NWD1: variants seen among roughly 807,000 people sequenced by gnomAD.
NWD1 encodes NACHT and WD repeat domain containing 1, also known as NACHT domain- and WD repeat-containing protein 1.
Under a neutral mutation model 135.1 loss-of-function variants are expected in NWD1, and 129 were observed. The observed-to-expected ratio is 0.96, with a 90% CI of 0.83 to 1.11. NWD1 has a LOEUF of 1.11. Ranked by LOEUF, NWD1 falls within the 50% of genes least tolerant of loss-of-function variation. The probability of loss-of-function intolerance (pLI) is 0.00; values close to 1 mark genes in which losing one functional copy is unlikely to be tolerated. For missense variants in NWD1, 1,740 were observed against 1,851.3 expected (o/e 0.94, Z 1.10); for synonymous variants, 773 against 786.0 (o/e 0.98, Z 0.28).
intron 7 of NWD1, among the ~76,000 whole-genome samples, chr19:16,760,229 C>CATTTCATTTT (rs373372872): frequency 7.0e-6 from 1 of 143,820 alleles, no homozygotes; most frequent in African/African-American, 2.6e-5. Context: ...TAAAATTCAC[C>CATTTCATTTT]ATTTTATTTT....
chr19:16,740,060 G>C (rs1416395718), intron 4 of NWD1, among the ~76,000 whole-genome samples: 1 of 151,814 alleles, frequency 6.6e-6, no homozygotes, highest in Non-Finnish European at 1.5e-5. Flanking sequence ...GCTTTGAGAG[G>C]CTAAAGCCGG....
rs543074782 is a variant in NWD1, at chr19:16,815,258, T to C, written c.*219T>C. On this transcript the variant is annotated 3_prime_UTR_variant, in exon 19 of 19. Transcript: ENST00000524140. ...TGCAGCTGCAGGAGCTCCCCAGGAC[T>C]TGGAGTCAGAAAGTGCCCAGGGAAA... 204 of 781,654 alleles carry C rather than the reference T, an allele frequency of 2.6e-4. 1 individual carries two copies. The highest frequency in any genetic ancestry group is 2.6e-3 in the South Asian group (194 of 74,640). 48.4% of individuals were successfully genotyped at this position (781,654 alleles called of 1,614,324 possible). A position where few individuals can be genotyped will look rare whatever the true frequency, so the allele number is the denominator to read the frequency against.
At chr19:16,813,397 T>C (rs937443068) in intron 18 of NWD1, among the ~76,000 whole-genome samples, 1 of 152,184 alleles carries the variant, frequency 6.6e-6, no homozygotes, top group African/African-American at 2.4e-5. Context: ...GCAATGTTTA[T>C]ATATGGTGTC....
At position 16,762,066 on chromosome 19, in the gene NWD1, G is replaced by A. The variant is rs779449587; in HGVS notation, c.2061G>A (p.Gly687=). ...RHGVLADFFS[G]TWSQGTKKLI... ...GCGTCCTGGCCGACTTCTTCTCAGG[G>A]ACCTGGAGCCAGGGTACCAAGAAGC... The change falls in exon 8 of 19, where the codon GGG becomes GGA. Residue 687 remains glycine, a synonymous_variant. Transcript: ENST00000524140. 7 of 1,614,096 alleles carry A rather than the reference G, an allele frequency of 4.3e-6. No individual in the cohort carries two copies. In the Admixed American group the frequency reaches 8.3e-5, roughly 19 times the overall value.
At chr19:16,814,964 A>C in intron 18 of NWD1, 64 bp from the exon 19 acceptor site, 1 of 1,439,348 alleles carries the variant, frequency 6.9e-7, no homozygotes. Context: ...CAACTCTGGA[A>C]TGTGTAGGAT....
chr19:16,767,261 G>T (rs1429550990), intron 10 of NWD1, among the ~76,000 whole-genome samples: 1 of 139,828 alleles, frequency 7.2e-6, no homozygotes, highest in East Asian at 2.3e-4. Flanking sequence ...CTCACTGCAA[G>T]CTCCGCCTCC....
intron 10 of NWD1, among the ~76,000 whole-genome samples, chr19:16,766,522 T>C (rs2608730): frequency 0.18 from 27,130 of 152,126 alleles, 5,715 homozygotes; most frequent in African/African-American, 0.51. Flanking sequence ...TCCAAGTCTT[T>C]AGACGCTCTG....
At chr19:16,779,233 T>C (rs1969768215) in intron 11 of NWD1, 110 bp from the exon 12 acceptor site, 14 of 1,271,148 alleles carry the variant, frequency 1.1e-5, no homozygotes, top group Admixed American at 3.5e-5. Flanking sequence ...CAAATCTCTC[T>C]GTGCCTCAGT....
intron 18 of NWD1, among the ~76,000 whole-genome samples, chr19:16,814,022 G>T (rs1971000726): frequency 6.6e-6 from 1 of 151,998 alleles, no homozygotes; most frequent in Non-Finnish European, 1.5e-5. Context: ...TCCAGGCATG[G>T]TGGTACATGC....
At position 16,736,684 on chromosome 19, in the gene NWD1, G is replaced by A; in HGVS notation, c.132G>A (p.Leu44=). ...GGAACATTGAAGCCACTGACCACTT[G>A]ACCACAGAACTCTGCTTGGAGGAGG... is the stretch of plus-strand genomic sequence containing the variant. ...GIRNIEATDH[L]TTELCLEEVD... The change falls in exon 4 of 19, where the codon TTG becomes TTA. Residue 44 remains leucine, a synonymous_variant. Coordinates refer to ENST00000524140, the MANE Select transcript of NWD1 (RefSeq NM_001007525.5). 10 of 1,536,260 alleles carry A rather than the reference G, an allele frequency of 6.5e-6. No homozygotes were observed. The highest frequency in any genetic ancestry group is 8.7e-6 in the Non-Finnish European group (10 of 1,146,928).
chr19:16,769,720 G>C (rs1320217424), intron 10 of NWD1, among the ~76,000 whole-genome samples: 2 of 152,170 alleles, frequency 1.3e-5, no homozygotes, highest in Admixed American at 1.3e-4. Flanking sequence ...AGCTAAATGC[G>C]ATTCCTCAGA....
rs1971071741 is a variant in NWD1, at chr19:16,816,518, G to C, written c.*1479G>C. On this transcript the variant is annotated 3_prime_UTR_variant, in exon 19 of 19. Transcript: ENST00000524140. Reference sequence around the variant, plus strand: ...TAAAAACTGGAGGCTCTTGGAAGTAGAAAGAGCTGCTGATCTCTCCCTGCT... The same window carrying C: ...TAAAAACTGGAGGCTCTTGGAAGTACAAAGAGCTGCTGATCTCTCCCTGCT... The C allele has an allele frequency of 6.6e-6, 1 of 152,206 alleles. No individual in the cohort carries two copies. Among genetic ancestry groups the C allele is most frequent in the Non-Finnish European group, 1.5e-5 (1 of 68,040 alleles). 9.4% of individuals were successfully genotyped at this position (152,206 alleles called of 1,614,324 possible). A position where few individuals can be genotyped will look rare whatever the true frequency, so the allele number is the denominator to read the frequency against.
intron 18 of NWD1, among the ~76,000 whole-genome samples, chr19:16,809,195 CG>C (rs1035209195): frequency 6.6e-6 from 1 of 151,236 alleles, no homozygotes; most frequent in African/African-American, 2.4e-5. Context: ...GCAACTCTCC[CG>C]CCTCGGCCTC....
At chr19:16,740,418 C>G (rs1260625143) in intron 4 of NWD1, among the ~76,000 whole-genome samples, 1 of 152,098 alleles carries the variant, frequency 6.6e-6, no homozygotes, top group African/African-American at 2.4e-5. Context: ...TCACTGCAAC[C>G]TCCATCTCCT....
chr19:16,732,766 CT>C (rs1299356895), intron 3 of NWD1, among the ~76,000 whole-genome samples: 1 of 151,680 alleles, frequency 6.6e-6, no homozygotes, highest in Non-Finnish European at 1.5e-5. Context: ...TTCTGAGGAG[CT>C]GAAACTACAG....
chr19:16,741,360 G>T (rs1234177243), intron 4 of NWD1, among the ~76,000 whole-genome samples: 4 of 135,254 alleles, frequency 3.0e-5, no homozygotes, highest in African/African-American at 5.6e-5. Context: ...GTTTTGTTTT[G>T]TTTTTGTGTT....
chr19:16,769,648 G>A (rs374296512), intron 10 of NWD1, among the ~76,000 whole-genome samples: 5 of 152,166 alleles, frequency 3.3e-5, no homozygotes, highest in South Asian at 2.1e-4. Flanking sequence ...CCAAGCTTGC[G>A]TGCCGGGGGC....
chr19:16,762,090 G>A lies in NWD1; in HGVS notation c.2085G>A (p.Lys695=), dbSNP rs773947998. Reference sequence around the variant, plus strand: ...GGACCTGGAGCCAGGGTACCAAGAAGCTCATCACTCTGCCACTTGTGGGGA... The same window carrying A: ...GGACCTGGAGCCAGGGTACCAAGAAACTCATCACTCTGCCACTTGTGGGGA... ...FSGTWSQGTK[K]LITLPLVGKP... is the part of the protein sequence containing the mutation. The change falls in exon 8 of 19, where the codon AAG becomes AAA. Residue 695 remains lysine, a synonymous_variant. Transcript: ENST00000524140. 2 of 1,614,112 alleles carry A rather than the reference G, an allele frequency of 1.2e-6. No individual in the cohort carries two copies. The highest frequency in any genetic ancestry group is 1.7e-6 in the Non-Finnish European group (2 of 1,180,010).
intron 1 of NWD1, among the ~76,000 whole-genome samples, chr19:16,722,998 G>A (rs891846051): frequency 6.6e-6 from 1 of 152,088 alleles, no homozygotes; most frequent in Non-Finnish European, 1.5e-5. Context: ...GGGGACGACT[G>A]AAATCTCACA....
Sources: allele counts gnomAD v4.1 joint callset (sites outside exome capture counted in the v4.1 genomes callset), GRCh38; gene constraint gnomAD v4.1.1; transcripts MANE v1.5; gene names NCBI Gene and HGNC (gene_info 2026-07-23, HGNC 2026-07-21).